CNTNAP2: variants seen among roughly 807,000 people sequenced by gnomAD.
CNTNAP2 encodes the protein contactin associated protein 2, also known as contactin-associated protein-like 2.
Under a neutral mutation model 155.2 loss-of-function variants are expected in CNTNAP2, and 98 were observed. The observed-to-expected ratio is 0.63, with a 90% CI of 0.54 to 0.75. The LOEUF (loss-of-function observed/expected upper bound fraction) is 0.75. CNTNAP2 is among the 30% of genes least tolerant of loss of function. CNTNAP2 has a pLI of 0.00. For missense variants in CNTNAP2, 1,727 were observed against 1,688.1 expected (o/e 1.02, Z -0.40); for synonymous variants, 651 against 631.2 (o/e 1.03, Z -0.47).
chr7:147,745,531 G>T (rs78265987), intron 13 of CNTNAP2, among the ~76,000 whole-genome samples: 4,748 of 152,240 alleles, frequency 0.031, 234 homozygotes, highest in African/African-American at 0.11. Flanking sequence ...TCCTTTTCTT[G>T]AAATTCCATA....
At chr7:148,402,492 C>T (rs775307867) in intron 22 of CNTNAP2, among the ~76,000 whole-genome samples, 1 of 152,148 alleles carries the variant, frequency 6.6e-6, no homozygotes, top group Non-Finnish European at 1.5e-5. Context: ...AAAACAATGT[C>T]CCTTATATCT....
At chr7:147,407,887 G>C (rs950047409) in intron 10 of CNTNAP2, among the ~76,000 whole-genome samples, 4 of 152,318 alleles carry the variant, frequency 2.6e-5, no homozygotes, top group Middle Eastern at 6.8e-3. Flanking sequence ...AACATGCCAG[G>C]CAAAATCAGA....
At chr7:146,174,604 G>A (rs1798443330) in intron 1 of CNTNAP2, among the ~76,000 whole-genome samples, 1 of 152,082 alleles carries the variant, frequency 6.6e-6, no homozygotes, top group African/African-American at 2.4e-5. Context: ...TTGGGAGGCT[G>A]AGGCTGGCGG....
At chr7:147,028,194 T>C (rs901149538) in intron 3 of CNTNAP2, among the ~76,000 whole-genome samples, 1 of 152,146 alleles carries the variant, frequency 6.6e-6, no homozygotes. Context: ...TCCTTAGGGT[T>C]AAAACTAATA....
chr7:146,313,641 C>T (rs1364750691), intron 1 of CNTNAP2, among the ~76,000 whole-genome samples: 1 of 151,922 alleles, frequency 6.6e-6, no homozygotes, highest in Non-Finnish European at 1.5e-5. Flanking sequence ...TGGAGATCTT[C>T]CCCTGTTTTC....
intron 11 of CNTNAP2, among the ~76,000 whole-genome samples, chr7:147,499,377 A>C (rs986507537): frequency 2.0e-5 from 3 of 152,062 alleles, no homozygotes; most frequent in Non-Finnish European, 4.4e-5. Flanking sequence ...AAAAATAAAA[A>C]AAATAGCTGG....
intron 3 of CNTNAP2, among the ~76,000 whole-genome samples, chr7:146,919,582 G>A (rs6951716): frequency 0.36 from 55,156 of 152,082 alleles, 10,524 homozygotes; most frequent in Middle Eastern, 0.42. Context: ...CTGCTCCAGT[G>A]GAGGTAGCAG....
At chr7:146,816,685 T>C (rs1173862876) in intron 2 of CNTNAP2, among the ~76,000 whole-genome samples, 1 of 152,186 alleles carries the variant, frequency 6.6e-6, no homozygotes. Flanking sequence ...GATAGACTGC[T>C]TGCTATACAC....
intron 2 of CNTNAP2, among the ~76,000 whole-genome samples, chr7:146,805,981 C>A (rs890023154): frequency 2.0e-5 from 3 of 152,042 alleles, no homozygotes; most frequent in African/African-American, 7.2e-5. Flanking sequence ...GGAATTAAGT[C>A]ATTGTCGACA....
At chr7:147,250,099 C>T (rs1168163860) in intron 8 of CNTNAP2, among the ~76,000 whole-genome samples, 2 of 152,136 alleles carry the variant, frequency 1.3e-5, no homozygotes, top group African/African-American at 2.4e-5. Context: ...TTGCGTGGAT[C>T]TGAATGGGGT....
chr7:146,866,452 T>C (rs1037440446), intron 3 of CNTNAP2, among the ~76,000 whole-genome samples: 2 of 152,106 alleles, frequency 1.3e-5, no homozygotes, highest in Non-Finnish European at 2.9e-5. Flanking sequence ...ATTTAACCAC[T>C]GACACTAAAT....
At chr7:146,364,175 A>T (rs1795123306) in intron 1 of CNTNAP2, among the ~76,000 whole-genome samples, 2 of 152,210 alleles carry the variant, frequency 1.3e-5, no homozygotes, top group South Asian at 4.1e-4. Context: ...TTTTTAATTA[A>T]CAGGCAGTGG....
At chr7:148,408,013 G>A (rs1002491374) in intron 22 of CNTNAP2, among the ~76,000 whole-genome samples, 7 of 152,276 alleles carry the variant, frequency 4.6e-5, no homozygotes, top group East Asian at 3.9e-4. Flanking sequence ...GGGAGGCCAG[G>A]GTGAGTGGAT....
intron 2 of CNTNAP2, among the ~76,000 whole-genome samples, chr7:146,829,688 A>G (rs554246012): frequency 3.3e-5 from 5 of 152,082 alleles, no homozygotes; most frequent in Admixed American, 1.3e-4. Flanking sequence ...GCATCACTGG[A>G]AAACCTTACG....
At chr7:146,427,300 A>G (rs1048876375) in intron 1 of CNTNAP2, among the ~76,000 whole-genome samples, 3 of 152,198 alleles carry the variant, frequency 2.0e-5, no homozygotes, top group Non-Finnish European at 4.4e-5. Flanking sequence ...TTTTTGGGAA[A>G]GAGCCAGATA....
rs66584239 is a variant in CNTNAP2 at position 147,929,092 on chromosome 7, C to CAAAAAAAA, written c.2255+25391_2255+25398dup. On this transcript the variant is annotated intron_variant, in intron 14 of 23. Transcript: ENST00000361727. ...GGGCAACAAGAACGAAACTCCATCC[C>CAAAAAAAA]AAAAAAAAAAAAAAAAAAAAAAAAA... Among the ~76,000 whole-genome samples the CAAAAAAAA allele has an allele frequency of 1.1e-3, 39 of 34,624 alleles. 4 individuals carry two copies. Among genetic ancestry groups the CAAAAAAAA allele is most frequent in the African/African-American group, 2.7e-3 (35 of 12,778 alleles). 22.7% of individuals were successfully genotyped at this position (34,624 alleles called of 152,430 possible). A position where few individuals can be genotyped will look rare whatever the true frequency, so the allele number is the denominator to read the frequency against.
intron 1 of CNTNAP2, among the ~76,000 whole-genome samples, chr7:146,492,833 G>A (rs1282677760): frequency 6.6e-6 from 1 of 152,064 alleles, no homozygotes; most frequent in Non-Finnish European, 1.5e-5. Context: ...TGTGGCAAAA[G>A]CAGCTAAAAT....
chr7:146,959,861 T>C (rs572809894), intron 3 of CNTNAP2, among the ~76,000 whole-genome samples: 1 of 152,292 alleles, frequency 6.6e-6, no homozygotes, highest in East Asian at 1.9e-4. Context: ...GGACTTAGAT[T>C]GTCAAGCTGA....
At chr7:146,592,582 G>T (rs1181280675) in intron 1 of CNTNAP2, among the ~76,000 whole-genome samples, 1 of 152,138 alleles carries the variant, frequency 6.6e-6, no homozygotes, top group Non-Finnish European at 1.5e-5. Context: ...AAATCCTCCA[G>T]ATTCCTACTT....
Sources: allele counts gnomAD v4.1 joint callset (sites outside exome capture counted in the v4.1 genomes callset), GRCh38; gene constraint gnomAD v4.1.1; transcripts MANE v1.5; gene names NCBI Gene and HGNC (gene_info 2026-07-23, HGNC 2026-07-21).